The following DAOA variants were observed in gnomAD, a reference collection of about 807,000 sequenced individuals.
The protein encoded by DAOA is D-amino acid oxidase activator.
A neutral mutation model predicts 16.4 loss-of-function variants in DAOA; 15 were observed. The ratio of observed to expected loss-of-function variants is 0.91; its 90% CI spans 0.61 to 1.41. DAOA has a LOEUF of 1.41. DAOA is among the 40% of genes most tolerant of loss of function. The pLI is 0.00. For missense variants in DAOA, 230 were observed against 176.8 expected (o/e 1.30, Z -1.71); for synonymous variants, 75 against 59.1 (o/e 1.27, Z -1.23).
intron 4 of DAOA, among the ~76,000 whole-genome samples, chr13:105,483,115 G>A (rs1229389396): frequency 6.6e-6 from 1 of 151,944 alleles, no homozygotes; most frequent in African/African-American, 2.4e-5. Flanking sequence ...TGCATTTACT[G>A]GAGTAAGGTA....
intron 4 of DAOA, among the ~76,000 whole-genome samples, chr13:105,483,746 T>C (rs1018425975): frequency 6.6e-6 from 1 of 152,140 alleles, no homozygotes; most frequent in Non-Finnish European, 1.5e-5. Context: ...AATCTTATAT[T>C]AGATATAACC....
chr13:105,472,686 G>A lies in DAOA; in HGVS notation c.281+1G>A, dbSNP rs999559381. 1 of 1,597,972 alleles carries A rather than the reference G, an allele frequency of 6.3e-7. No individual in the cohort carries two copies. Among genetic ancestry groups the A allele is most frequent in the Non-Finnish European group, 8.5e-7 (1 of 1,173,492 alleles). ...CTTACCTTCCTCAGCCCTATGCAGA[G>A]TATGTATCTTCTTCATTTTAAACTT... is the stretch of plus-strand genomic sequence containing the variant. On this transcript the variant is annotated splice_donor_variant, in intron 4 of 5. Coordinates refer to ENST00000375936, the MANE Select transcript of DAOA (RefSeq NM_172370.5). LOFTEE classifies it high-confidence loss of function.
intron 4 of DAOA, among the ~76,000 whole-genome samples, chr13:105,480,528 A>ATAGG (rs1877651456): frequency 2.5e-5 from 1 of 40,384 alleles, no homozygotes; most frequent in African/African-American, 9.4e-5. Flanking sequence ...GGATAGATAC[A>ATAGG]TAGATAGATA....
At chr13:105,484,691 G>A (rs1034076679) in intron 4 of DAOA, among the ~76,000 whole-genome samples, 1 of 151,972 alleles carries the variant, frequency 6.6e-6, no homozygotes, top group Non-Finnish European at 1.5e-5. Flanking sequence ...TCATGCATTA[G>A]CTCTTATACC....
chr13:105,483,796 T>C (rs1468547728), intron 4 of DAOA, among the ~76,000 whole-genome samples: 1 of 152,114 alleles, frequency 6.6e-6, no homozygotes, highest in Non-Finnish European at 1.5e-5. Context: ...GAATTGTCTT[T>C]TAATTTTCTT....
intron 4 of DAOA, among the ~76,000 whole-genome samples, chr13:105,485,813 C>A (rs1224089836): frequency 3.3e-5 from 5 of 152,152 alleles, no homozygotes; most frequent in Admixed American, 2.6e-4. Context: ...CATGGATTGC[C>A]AGCAACACTG....
chr13:105,490,498 A>AT (rs1878442688), intron 5 of DAOA: 1 of 152,388 alleles, frequency 6.6e-6, no homozygotes, highest in African/African-American at 2.4e-5. Context: ...CCAAATAGTA[A>AT]TGATGTCTCC....
In DAOA at chr13:105,472,476, T is replaced by A. The variant is rs1877026072; in HGVS notation, c.134-62T>A. The A allele has an allele frequency of 3.3e-6, 5 of 1,530,874 alleles. No individual in the cohort carries two copies. In the East Asian group the frequency reaches 9.7e-5, roughly 30 times the overall value. 94.8% of individuals were successfully genotyped at this position (1,530,874 alleles called of 1,614,324 possible). ...TCGCTCCACAGTCATTAAACCAACA[T>A]GTATGTTAAAAGATGTGATAGAGTT... is the stretch of plus-strand genomic sequence containing the variant. On this transcript the variant is annotated intron_variant, in intron 3 of 5. Transcript: ENST00000375936.
intron 4 of DAOA, among the ~76,000 whole-genome samples, chr13:105,479,631 C>T (rs1184972869): frequency 2.0e-5 from 3 of 152,176 alleles, no homozygotes; most frequent in Non-Finnish European, 2.9e-5. Context: ...GGCTCTGCTC[C>T]TCTTCCTAGA....
In DAOA at chr13:105,466,277, G is replaced by A. The variant is rs1247665001; in HGVS notation, c.-12G>A. ...CTTCACAATGCCGATGATTTAGCTG[G>A]GAGGACCCAAAATGCTGGAAAAGCT... is the stretch of plus-strand genomic sequence containing the variant. On this transcript the variant is annotated 5_prime_UTR_variant, in exon 2 of 6. Transcript: ENST00000375936. 9.3e-6 allele frequency: 15 copies of A among 1,614,010 alleles called. No homozygotes were observed. The highest frequency in any genetic ancestry group is 1.7e-4 in the Middle Eastern group (1 of 6,060).
intron 4 of DAOA, among the ~76,000 whole-genome samples, chr13:105,484,404 T>C (rs1419956326): frequency 6.6e-6 from 1 of 152,146 alleles, no homozygotes; most frequent in Non-Finnish European, 1.5e-5. Flanking sequence ...TATAGATGAA[T>C]TTGGGGACAA....
chr13:105,466,364 G>C, intron 2 of DAOA, 32 bp downstream of exon 2: 1 of 1,613,748 alleles, frequency 6.2e-7, no homozygotes, highest in Non-Finnish European at 8.5e-7. Flanking sequence ...ACAGCATGGC[G>C]GCCTCAGTGC....
chr13:105,475,030 C>T lies in DAOA; in HGVS notation c.281+2345C>T, dbSNP rs1046729960. The T allele has an allele frequency of 4.1e-6, 4 of 985,734 alleles. No homozygotes were observed. The East Asian group carries it at 4.5e-4, about 112-fold the overall frequency. The allele number at this position is 985,734 out of a possible 1,614,324, so 61.1% of individuals were successfully genotyped here. A position where few individuals can be genotyped will look rare whatever the true frequency, so the allele number is the denominator to read the frequency against. On this transcript the variant is annotated intron_variant, in intron 4 of 5. Transcript: ENST00000375936. ...TTGCACTGTCATTTTAAAAGAATTT[C>T]TCAGATATTTGCTGGGCACTTTATG... is the stretch of plus-strand genomic sequence containing the variant.
intron 4 of DAOA, among the ~76,000 whole-genome samples, chr13:105,486,345 C>T (rs1458015175): frequency 6.6e-6 from 1 of 152,100 alleles, no homozygotes; most frequent in South Asian, 2.1e-4. Flanking sequence ...TTTCCCCAAA[C>T]CCACCTGCTT....
At chr13:105,484,456 T>A (rs1594117568) in intron 4 of DAOA, among the ~76,000 whole-genome samples, 1 of 152,166 alleles carries the variant, frequency 6.6e-6, no homozygotes, top group East Asian at 1.9e-4. Flanking sequence ...ATTAAAAATG[T>A]ATCTTTCTGC....
intron 2 of DAOA, 177 bp downstream of exon 2, chr13:105,466,509 A>G (rs1876527542): frequency 2.0e-6 from 2 of 1,013,168 alleles, no homozygotes; most frequent in Non-Finnish European, 1.4e-6. Flanking sequence ...CTGTCAGTCA[A>G]AGGAGAACCT....
At chr13:105,480,356 A>G (rs970208980) in intron 4 of DAOA, among the ~76,000 whole-genome samples, 1 of 151,992 alleles carries the variant, frequency 6.6e-6, no homozygotes, top group Non-Finnish European at 1.5e-5. Flanking sequence ...GGAATTTTAC[A>G]TGTGTTTTTG....
intron 4 of DAOA, among the ~76,000 whole-genome samples, chr13:105,485,442 A>G (rs982777261): frequency 7.2e-5 from 11 of 152,192 alleles, no homozygotes; most frequent in African/African-American, 2.7e-4. Context: ...TTAATCATGA[A>G]GTCCTGTTGA....
At chr13:105,483,548 T>C (rs1877894230) in intron 4 of DAOA, among the ~76,000 whole-genome samples, 1 of 152,202 alleles carries the variant, frequency 6.6e-6, no homozygotes, top group African/African-American at 2.4e-5. Flanking sequence ...TTTTAGACTT[T>C]TAAAAAAGAG....
Sources: gnomAD v4.1 joint callset for allele counts (sites outside exome capture counted in the v4.1 genomes callset) on GRCh38, gnomAD v4.1.1 for gene constraint, MANE v1.5 for transcripts, NCBI Gene and HGNC (gene_info 2026-07-23, HGNC 2026-07-21) for gene names.